PARD3B: variants seen among roughly 807,000 people sequenced by gnomAD.
PARD3B encodes the protein partitioning defective 3 homolog B.
Under a neutral mutation model 130.2 loss-of-function variants are expected in PARD3B, and 103 were observed. The ratio of observed to expected loss-of-function variants is 0.79; its 90% confidence interval spans 0.67 to 0.93. The LOEUF (loss-of-function observed/expected upper bound fraction) is 0.93, where lower values mean the gene tolerates loss of function less well. Ranked by LOEUF, PARD3B falls within the 40% of genes least tolerant of loss-of-function variation. The pLI is 0.00. For synonymous variants in PARD3B, 583 were observed against 553.2 expected, an observed-to-expected ratio of 1.05 and a Z score of -0.76; for missense variants, 1,609 against 1,499.2, an observed-to-expected ratio of 1.07 and a Z score of -1.21.
chr2:205,195,739 G>A (rs182269277), intron 15 of PARD3B, among the ~76,000 whole-genome samples: 30 of 151,886 alleles, frequency 2.0e-4, no homozygotes, highest in South Asian at 1.2e-3. Context: ...TCTTTAAAAC[G>A]TCTTAATAAG....
intron 13 of PARD3B, among the ~76,000 whole-genome samples, chr2:205,181,460 T>A (rs1046714135): frequency 6.6e-6 from 1 of 152,388 alleles, no homozygotes; most frequent in Non-Finnish European, 1.5e-5. Flanking sequence ...CAAAAAACTT[T>A]GTCCTTAAAG....
intron 18 of PARD3B, among the ~76,000 whole-genome samples, chr2:205,303,086 A>C (rs2042069080): frequency 6.6e-6 from 1 of 152,006 alleles, no homozygotes; most frequent in Non-Finnish European, 1.5e-5. Context: ...TTTGGGTAAA[A>C]AAAAAAGCAA....
chr2:205,293,552 C>A (rs1359825495), intron 16 of PARD3B: 4 of 152,018 alleles, frequency 2.6e-5, no homozygotes, highest in African/African-American at 9.7e-5. Context: ...TGGCAGAAAA[C>A]ATTAATATTA....
chr2:205,572,424 G>A lies in PARD3B; in HGVS notation c.3260+19021G>A, dbSNP rs182758155. 4.2e-3 allele frequency among the ~76,000 whole-genome samples: 639 copies of A among 152,288 alleles called. 5 individuals carry two copies. The highest frequency in any genetic ancestry group is 0.01 in the Middle Eastern group (3 of 294). On this transcript the variant is annotated intron_variant, in intron 22 of 22. Transcript: ENST00000406610. This position sits in a 1 kb window ranked among gnomAD's most constrained non-coding sequence, Gnocchi z 4.2. ...TAATCAGATTTGCACTGTAGAGAAA[G>A]CCCCTTGATAATTTCATGGAAAATA...
rs140851241 is a variant in PARD3B at position 204,836,616 on chromosome 2, G to A, written c.223-128536G>A. ...AGGCGGAAGTTGGTGCGCCAAGATC[G>A]TGCCACTGCACTCCAGCCTAGGTGA... On this transcript the variant is annotated intron_variant, in intron 2 of 22. Coordinates refer to ENST00000406610, the MANE Select transcript of PARD3B (RefSeq NM_001302769.2). 3.2e-3 allele frequency among the ~76,000 whole-genome samples: 482 copies of A among 152,268 alleles called. 9 individuals carry two copies. Among genetic ancestry groups the A allele is most frequent in the Admixed American group, 0.028 (426 of 15,290 alleles).
At chr2:205,413,385 C>G (rs558669824) in intron 19 of PARD3B, among the ~76,000 whole-genome samples, 3 of 152,212 alleles carry the variant, frequency 2.0e-5, no homozygotes, top group South Asian at 4.2e-4. Flanking sequence ...ATATTGTAAT[C>G]ATTTTTCTGT....
intron 4 of PARD3B, 31 bp from the exon 5 acceptor site, chr2:205,104,395 A>G: frequency 6.8e-7 from 1 of 1,465,200 alleles, no homozygotes; most frequent in Non-Finnish European, 9.6e-7. Flanking sequence ...TATGCACAGC[A>G]TCACATGCTT....
Position 205,317,190 on chromosome 2 carries a change from A to G in PARD3B, c.2630+15489A>G, listed in dbSNP as rs145765243. ...CTCAGTAAAGATACTGAATAGTAAGATGTCTGGATTTCCAACCTTAATTCT... is the reference window on the plus strand; with the variant it reads ...CTCAGTAAAGATACTGAATAGTAAGGTGTCTGGATTTCCAACCTTAATTCT... On this transcript the variant is annotated intron_variant, in intron 18 of 22. Coordinates refer to ENST00000406610, the MANE Select transcript of PARD3B (RefSeq NM_001302769.2). Among the ~76,000 whole-genome samples the G allele has an allele frequency of 2.1e-3, 326 of 152,320 alleles. 3 individuals carry two copies. Among genetic ancestry groups the G allele is most frequent in the Non-Finnish European group, 3.4e-3 (232 of 68,010 alleles).
chr2:205,122,146 T>C lies in PARD3B; in HGVS notation c.1165+197T>C, dbSNP rs2030821220. Among the ~76,000 whole-genome samples the C allele has an allele frequency of 6.6e-6, 1 of 152,150 alleles. No homozygotes were observed. Among genetic ancestry groups the C allele is most frequent in the Non-Finnish European group, 1.5e-5 (1 of 68,018 alleles). Reference sequence around the variant, plus strand: ...TCTTTTCTTCGGAGTGTATAGATTATTTTAAACAAGAAAATAATAAAGACA... The same window carrying C: ...TCTTTTCTTCGGAGTGTATAGATTACTTTAAACAAGAAAATAATAAAGACA... On this transcript the variant is annotated intron_variant, in intron 8 of 22. Coordinates refer to ENST00000406610, the MANE Select transcript of PARD3B (RefSeq NM_001302769.2). This position sits in a 1 kb window ranked among gnomAD's most constrained non-coding sequence, Gnocchi z 4.3.
intron 2 of PARD3B, among the ~76,000 whole-genome samples, chr2:204,937,992 A>T (rs1028870078): frequency 6.6e-6 from 1 of 152,174 alleles, no homozygotes; most frequent in African/African-American, 2.4e-5. Context: ...TGGAATAGAG[A>T]GCAGTGACAC....
chr2:204,783,929 CG>C (rs1559141698), intron 2 of PARD3B, among the ~76,000 whole-genome samples: 1 of 151,870 alleles, frequency 6.6e-6, no homozygotes, highest in Admixed American at 6.6e-5. Flanking sequence ...TAGTTTCCAG[CG>C]TTTTTTTTTC....
At chr2:204,861,133 G>A (rs1025801680) in intron 2 of PARD3B, among the ~76,000 whole-genome samples, 3 of 132,332 alleles carry the variant, frequency 2.3e-5, no homozygotes, top group Admixed American at 1.6e-4. Context: ...TTCATTTGTA[G>A]CTTTTTCACC....
chr2:205,184,772 A>G (rs531072882), intron 13 of PARD3B, among the ~76,000 whole-genome samples: 1 of 151,220 alleles, frequency 6.6e-6, no homozygotes, highest in African/African-American at 2.4e-5. Flanking sequence ...ATATATACAC[A>G]CACACACACA....
At chr2:205,071,257 C>A (rs933637682) in intron 4 of PARD3B, among the ~76,000 whole-genome samples, 1 of 152,116 alleles carries the variant, frequency 6.6e-6, no homozygotes, top group Non-Finnish European at 1.5e-5. Flanking sequence ...AAGTTTCCTT[C>A]CTTTATGGAA....
chr2:204,982,820 G>T (rs1371339557), intron 3 of PARD3B, among the ~76,000 whole-genome samples: 4 of 152,142 alleles, frequency 2.6e-5, no homozygotes, highest in African/African-American at 7.2e-5. Flanking sequence ...ATTAGTCATT[G>T]TATCTGATAA....
At chr2:205,380,349 TA>T (rs2045297568) in intron 18 of PARD3B, among the ~76,000 whole-genome samples, 1 of 26,394 alleles carries the variant, frequency 3.8e-5, no homozygotes, top group Non-Finnish European at 6.6e-5. Context: ...GAATATATAA[TA>T]TATAATATAT....
intron 2 of PARD3B, among the ~76,000 whole-genome samples, chr2:204,749,432 A>G (rs1215510918): frequency 6.6e-6 from 1 of 152,154 alleles, no homozygotes; most frequent in Non-Finnish European, 1.5e-5. Context: ...CAATATTAGT[A>G]ACTCAAATAT....
chr2:205,311,188 T>C (rs1032267926), intron 18 of PARD3B, among the ~76,000 whole-genome samples: 1 of 152,234 alleles, frequency 6.6e-6, no homozygotes, highest in African/African-American at 2.4e-5. Flanking sequence ...TTTAAATACC[T>C]AATGGTGATA....
intron 10 of PARD3B, among the ~76,000 whole-genome samples, chr2:205,143,165 A>G (rs2033107338): frequency 6.6e-6 from 1 of 152,174 alleles, no homozygotes; most frequent in South Asian, 2.1e-4. Flanking sequence ...CACTTGATAT[A>G]TACACACATG....
Sources: gnomAD v4.1 joint callset for allele counts (sites outside exome capture counted in the v4.1 genomes callset) on GRCh38, gnomAD v4.1.1 for gene constraint, Gnocchi (gnomAD v3.1) non-coding constraint, MANE v1.5 for transcripts, NCBI Gene and HGNC (gene_info 2026-07-23, HGNC 2026-07-21) for gene names.